The following COL4A2 variants were observed in gnomAD, a reference collection of about 807,000 sequenced individuals.
COL4A2 encodes the protein collagen type IV alpha 2 chain.
A neutral mutation model predicts 200.2 loss-of-function variants in COL4A2; 99 were observed. The observed-to-expected ratio is 0.49, with a 90% CI of 0.42 to 0.58. The LOEUF is 0.58. COL4A2 is among the 20% of genes least tolerant of loss of function. The pLI is 0.00. For missense variants in COL4A2, 1,950 were observed against 2,314.1 expected, an observed-to-expected ratio of 0.84 and a Z score of 3.23; for synonymous variants, 897 against 900.6, an observed-to-expected ratio of 1.00 and a Z score of 0.07.
At chr13:110,469,641 G>A (rs1393528061) in intron 28 of COL4A2, among the ~76,000 whole-genome samples, 1 of 152,112 alleles carries the variant, frequency 6.6e-6, no homozygotes, top group Non-Finnish European at 1.5e-5. Flanking sequence ...CATTCTAAGG[G>A]CAACACAAAG....
At chr13:110,368,826 C>T (rs771761829) in intron 4 of COL4A2, among the ~76,000 whole-genome samples, 1 of 114,258 alleles carries the variant, frequency 8.8e-6, no homozygotes, top group Admixed American at 1.1e-4. Flanking sequence ...TTCTAATTCA[C>T]AATCAACTAA....
intron 31 of COL4A2, 124 bp downstream of exon 31, chr13:110,480,514 T>G (rs2139522401): frequency 9.8e-7 from 1 of 1,025,202 alleles, no homozygotes; most frequent in African/African-American, 1.6e-5. Context: ...TTCTGCAGAT[T>G]GGAGGCCTTG....
chr13:110,316,971 G>C (rs1050202207), intron 3 of COL4A2, among the ~76,000 whole-genome samples: 3 of 152,054 alleles, frequency 2.0e-5, no homozygotes, highest in Admixed American at 2.0e-4. Flanking sequence ...ATAAAAGAGA[G>C]AGAGAACACA....
At chr13:110,408,380 T>G (rs539458739) in intron 4 of COL4A2, among the ~76,000 whole-genome samples, 1 of 152,196 alleles carries the variant, frequency 6.6e-6, no homozygotes, top group African/African-American at 2.4e-5. Context: ...CAGGTTCTTT[T>G]TGAATAGAGA....
chr13:110,398,347 G>A (rs9588153), intron 4 of COL4A2, among the ~76,000 whole-genome samples: 3,879 of 152,212 alleles, frequency 0.025, 158 homozygotes, highest in African/African-American at 0.089. Flanking sequence ...TAAGTGTATA[G>A]CCATCACTTC....
intron 4 of COL4A2, among the ~76,000 whole-genome samples, chr13:110,395,958 A>C (rs1056380056): frequency 1.3e-5 from 2 of 152,242 alleles, no homozygotes; most frequent in African/African-American, 4.8e-5. Flanking sequence ...ATAAAAGTCC[A>C]TTTCTAATTC....
chr13:110,459,669 A>G (rs1160146470), intron 22 of COL4A2: 4 of 152,220 alleles, frequency 2.6e-5, no homozygotes, highest in East Asian at 1.9e-4. Context: ...TGGTTGCACA[A>G]CCTTGTGAAA....
At chr13:110,500,252 C>G (rs934662403) in intron 40 of COL4A2, among the ~76,000 whole-genome samples, 1 of 152,206 alleles carries the variant, frequency 6.6e-6, no homozygotes, top group African/African-American at 2.4e-5. Context: ...TAGATTTGCA[C>G]TGTTTCGCCC....
At chr13:110,385,599 GTGTGTGGATAGGCCGTGGCTA>G in intron 4 of COL4A2, among the ~76,000 whole-genome samples, 2 of 149,648 alleles carry the variant, frequency 1.3e-5, no homozygotes, top group African/African-American at 2.5e-5. Flanking sequence ...CGTGGTTACA[GTGTGTGGATAGGCCGTGGCTA>G]CAGTGTGTGG....
intron 3 of COL4A2, among the ~76,000 whole-genome samples, chr13:110,312,319 CAG>C (rs1306105535): frequency 6.6e-6 from 1 of 152,150 alleles, no homozygotes; most frequent in African/African-American, 2.4e-5. Flanking sequence ...GGAGAGGAAA[CAG>C]GCTCTGTACG....
intron 28 of COL4A2, 85 bp from the exon 29 acceptor site, chr13:110,472,844 G>C: frequency 7.5e-7 from 1 of 1,338,470 alleles, no homozygotes; most frequent in East Asian, 2.5e-5. Flanking sequence ...CCAAATTTTT[G>C]CTGTTTCCAG....
At chr13:110,460,119 A>G (rs912992786) in intron 22 of COL4A2, among the ~76,000 whole-genome samples, 6 of 152,350 alleles carry the variant, frequency 3.9e-5, no homozygotes, top group Middle Eastern at 3.4e-3. Context: ...ATTATTTAAC[A>G]TATTCAGCAA....
At chr13:110,496,336 C>T (rs140744764) in intron 40 of COL4A2, among the ~76,000 whole-genome samples, 26 of 152,358 alleles carry the variant, frequency 1.7e-4, no homozygotes, top group Non-Finnish European at 3.2e-4. Context: ...ACATCTCACT[C>T]TCCAGGATCT....
At chr13:110,432,521 AG>A (rs2139460787) in intron 11 of COL4A2, among the ~76,000 whole-genome samples, 161 bp downstream of exon 11, 1 of 151,470 alleles carries the variant, frequency 6.6e-6, no homozygotes, top group East Asian at 1.9e-4. Flanking sequence ...TTAAACTCCA[AG>A]GATAGATCCA....
At chr13:110,378,957 C>A (rs1282222694) in intron 4 of COL4A2, among the ~76,000 whole-genome samples, 1 of 152,212 alleles carries the variant, frequency 6.6e-6, no homozygotes, top group African/African-American at 2.4e-5. Flanking sequence ...CACGCACTCT[C>A]CGGCTCCTGT....
intron 4 of COL4A2, among the ~76,000 whole-genome samples, chr13:110,390,229 G>T (rs1420356575): frequency 1.3e-5 from 2 of 152,226 alleles, no homozygotes; most frequent in African/African-American, 4.8e-5. Flanking sequence ...AGTTTGGAGA[G>T]ACCCACTCCC....
Position 110,478,087 on chromosome 13 carries a change from C to A in COL4A2, c.2510C>A (p.Pro837His). 1 of 1,610,186 alleles carries A rather than the reference C, an allele frequency of 6.2e-7. No homozygotes were observed. The highest frequency in any genetic ancestry group is 1.3e-5 in the African/African-American group (1 of 74,984). The change falls in exon 30 of 48, where the codon CCT (proline) becomes CAT (histidine). Residue 837 changes from proline to histidine, a missense_variant. Physicochemically the swap from Pro to His is moderately conservative, Grantham distance 77. Around this residue, in one of 2 missense-constraint regions of COL4A2, gnomAD observed 1,385 missense variants for 1,720.5 expected, o/e 0.80. Transcript: ENST00000360467. Reference sequence around the variant, plus strand: ...TCCGGCCAGCCAGGCCTGTATGGGCCTCCAGGACTGCATGGATTCCCAGGA... The same window carrying A: ...TCCGGCCAGCCAGGCCTGTATGGGCATCCAGGACTGCATGGATTCCCAGGA... ...GPSGQPGLYG[P>H]PGLHGFPGAP... is the part of the protein sequence containing the mutation.
chr13:110,436,117 A>G (rs1265217741), intron 12 of COL4A2, 152 bp from the exon 13 acceptor site: 13 of 1,142,122 alleles, frequency 1.1e-5, no homozygotes, highest in East Asian at 4.7e-5. Context: ...GGATTACTCT[A>G]TTTTGTGGTT....
intron 4 of COL4A2, among the ~76,000 whole-genome samples, chr13:110,422,488 T>G (rs1880291338): frequency 6.6e-6 from 1 of 152,146 alleles, no homozygotes; most frequent in South Asian, 2.1e-4. Flanking sequence ...GTGCACAAGC[T>G]TCACCACGAC....
Sources: allele counts gnomAD v4.1 joint callset (sites outside exome capture counted in the v4.1 genomes callset), GRCh38; gene constraint gnomAD v4.1.1; regional missense constraint gnomAD v4.1.1; transcripts MANE v1.5; gene names NCBI Gene and HGNC (gene_info 2026-07-23, HGNC 2026-07-21).